Variants in PPIL2 observed in about 807,000 individuals in gnomAD.
PPIL2 encodes RING-type E3 ubiquitin-protein ligase PPIL2.
Under a neutral mutation model 75.2 loss-of-function variants are expected in PPIL2, and 50 were observed. That is an observed-to-expected ratio of 0.66 (90% CI 0.53 to 0.84). The LOEUF (loss-of-function observed/expected upper bound fraction) is 0.84. Among genes scored for constraint, PPIL2 ranks in the 40% least tolerant of loss-of-function variants. PPIL2 has a pLI of 0.00. For synonymous variants in PPIL2, 245 were observed against 258.8 expected, an observed-to-expected ratio of 0.95 and a Z score of 0.51; for missense variants, 590 against 685.0, an observed-to-expected ratio of 0.86 and a Z score of 1.55.
chr22:21,682,129 A>T (rs1164336832), intron 7 of PPIL2, among the ~76,000 whole-genome samples: 3 of 152,140 alleles, frequency 2.0e-5, no homozygotes, highest in Non-Finnish European at 4.4e-5. Flanking sequence ...GCATGGGAGG[A>T]GCTTGGCAAA....
intron 5 of PPIL2, among the ~76,000 whole-genome samples, chr22:21,674,445 A>G (rs1669122): frequency 0.64 from 97,263 of 152,112 alleles, 31,663 homozygotes; most frequent in African/African-American, 0.75. Context: ...TTAGCATTGG[A>G]GTGTATTTCT....
intron 15 of PPIL2, among the ~76,000 whole-genome samples, chr22:21,689,664 A>G (rs1439753620): frequency 6.6e-6 from 1 of 152,246 alleles, no homozygotes; most frequent in East Asian, 1.9e-4. Context: ...CCTGGTGTGC[A>G]CATCAGTCAC....
intron 10 of PPIL2, among the ~76,000 whole-genome samples, chr22:21,686,187 A>G (rs1261010811): frequency 6.6e-6 from 1 of 152,148 alleles, no homozygotes; most frequent in African/African-American, 2.4e-5. Context: ...ATAAAAATAA[A>G]TGAGAAGTCA....
chr22:21,685,577 C>A, intron 10 of PPIL2: 1 of 411,630 alleles, frequency 2.4e-6, no homozygotes, highest in Non-Finnish European at 4.7e-6. Context: ...GTGTGTCACT[C>A]CGTCTAACAC....
At chr22:21,669,625 G>T (rs201642349) in intron 1 of PPIL2, among the ~76,000 whole-genome samples, 1 of 152,194 alleles carries the variant, frequency 6.6e-6, no homozygotes, top group Admixed American at 6.5e-5. Context: ...TCAGCCTCCC[G>T]AGTAGCTGGG....
rs556440849 is a variant in PPIL2 at position 21,686,795 on chromosome 22, C to A, written c.791-97C>A. ...TCCCCTGCTCTCCCCAGAGCTGGAG[C>A]CTAGTCCCCGCCTGTGTGTCTGAGG... On this transcript the variant is annotated intron_variant, in intron 11 of 19. Transcript: ENST00000398831. 122 of 1,257,124 alleles carry A rather than the reference C, an allele frequency of 9.7e-5. No homozygotes were observed. In the African/African-American group the frequency reaches 1.7e-3, roughly 17 times the overall value. The allele number at this position is 1,257,124 out of a possible 1,614,324, so 77.9% of individuals were successfully genotyped here.
chr22:21,688,787 G>A lies in PPIL2; in HGVS notation c.1077G>A (p.Ser359=), dbSNP rs376197038. The change falls in exon 15 of 20, where the codon TCG becomes TCA. Residue 359 remains serine, a synonymous_variant. Transcript: ENST00000398831. ...PFKDEFRPNL[S]HTGRGILSMA... is the part of the protein sequence containing the mutation. Reference sequence around the variant, plus strand: ...AAGACGAGTTCCGGCCCAACCTCTCGCACACGGGCCGCGGCATCCTCAGCA... The same window carrying A: ...AAGACGAGTTCCGGCCCAACCTCTCACACACGGGCCGCGGCATCCTCAGCA... 2.0e-5 allele frequency: 33 copies of A among 1,614,078 alleles called. No homozygotes were observed. The highest frequency in any genetic ancestry group is 1.7e-4 in the African/African-American group (13 of 74,938).
chr22:21,681,155 C>G, intron 6 of PPIL2, 144 bp from the exon 7 acceptor site: 1 of 669,810 alleles, frequency 1.5e-6, no homozygotes, highest in South Asian at 1.7e-5. Context: ...CCCATGGTTC[C>G]CTGCTCTGGC....
chr22:21,682,510 A>G lies in PPIL2; in HGVS notation c.461A>G (p.Asp154Gly), dbSNP rs770856831. The change falls in exon 8 of 20, where the codon GAC becomes GGC. Residue 154 changes from aspartate to glycine, a missense_variant. Physicochemically the swap from Asp to Gly is moderately conservative, Grantham distance 94. Transcript: ENST00000398831. ...LLTDEPFSRQDIITLQDPTNL... is the reference protein window; with the variant it reads ...LLTDEPFSRQGIITLQDPTNL... ...ACCGACGAGCCCTTCTCCCGGCAGG[A>G]CATCATCACCCTCCAGGTGAGTGTC... The G allele has an allele frequency of 1.2e-5, 19 of 1,596,260 alleles. No homozygotes were observed. Among genetic ancestry groups the G allele is most frequent in the South Asian group, 4.4e-5 (4 of 89,914 alleles).
chr22:21,697,094 C>A lies in PPIL2; in HGVS notation c.*1604C>A. 2 of 1,192,218 alleles carry A rather than the reference C, an allele frequency of 1.7e-6. No individual in the cohort carries two copies. Among genetic ancestry groups the A allele is most frequent in the Non-Finnish European group, 2.3e-6 (2 of 856,464 alleles). The allele number at this position is 1,192,218 out of a possible 1,614,324, so 73.9% of individuals were successfully genotyped here. A position where few individuals can be genotyped will look rare whatever the true frequency, so the allele number is the denominator to read the frequency against. On this transcript the variant is annotated 3_prime_UTR_variant, in exon 20 of 20. Transcript: ENST00000398831. ...GACTTTTGACGCCCTCCATCCCTCC[C>A]GCCAGGCACTGTCCTCCGCAAGGCC...
At position 21,684,680 on chromosome 22, in the gene PPIL2, T is replaced by G. The variant is rs2067279865; in HGVS notation, c.554-73T>G. ...CTGGACGGCCCTGGGCTATTCTAGA[T>G]CTGTGTCCCCAGCACGTGTGTGGGG... On this transcript the variant is annotated intron_variant, in intron 9 of 19. Coordinates refer to ENST00000398831, the MANE Select transcript of PPIL2 (RefSeq NM_014337.4). 28 of 1,563,480 alleles carry G rather than the reference T, an allele frequency of 1.8e-5. No homozygotes were observed. In the South Asian group the frequency reaches 3.3e-4, roughly 18 times the overall value.
At chr22:21,675,160 C>T (rs747518786) in intron 6 of PPIL2, 45 bp downstream of exon 6, 2 of 1,511,702 alleles carry the variant, frequency 1.3e-6, no homozygotes, top group Non-Finnish European at 1.8e-6. Context: ...ACCTGCAGAC[C>T]CAAGGGCCCA....
chr22:21,688,320 AGT>A (rs992212678), intron 14 of PPIL2, among the ~76,000 whole-genome samples: 8 of 152,124 alleles, frequency 5.3e-5, no homozygotes, highest in African/African-American at 1.9e-4. Flanking sequence ...AGGAGGCAAG[AGT>A]GTGTGGTCTC....
In PPIL2 at chr22:21,697,505, C is replaced by G; in HGVS notation, c.*2015C>G. ...AGAGCCTGGGCTCAGCCTTCTGCAT[C>G]AGGACATGGCCTCGTCCACTGAGGG... On this transcript the variant is annotated 3_prime_UTR_variant, in exon 20 of 20. Transcript: ENST00000398831. 1 of 159,826 alleles carries G rather than the reference C, an allele frequency of 6.3e-6. No individual in the cohort carries two copies. Among genetic ancestry groups the G allele is most frequent in the Admixed American group, 5.9e-5 (1 of 16,866 alleles). The allele number at this position is 159,826 out of a possible 1,614,324, so 9.9% of individuals were successfully genotyped here. A position where few individuals can be genotyped will look rare whatever the true frequency, so the allele number is the denominator to read the frequency against.
intron 15 of PPIL2, among the ~76,000 whole-genome samples, chr22:21,692,177 A>C (rs527390646): frequency 1.4e-5 from 2 of 146,122 alleles, no homozygotes; most frequent in East Asian, 4.0e-4. Flanking sequence ...TTTCTTTGAG[A>C]CGGAGTCTCG....
chr22:21,695,560 C>T lies in PPIL2; in HGVS notation c.*70C>T, dbSNP rs539355703. ...GGGCCCATGTCCACATCTCCATTTCCAGCCTTTCTAGCCTGCCCTCTGCTG... is the reference window on the plus strand; with the variant it reads ...GGGCCCATGTCCACATCTCCATTTCTAGCCTTTCTAGCCTGCCCTCTGCTG... On this transcript the variant is annotated 3_prime_UTR_variant, in exon 20 of 20. Coordinates refer to ENST00000398831, the MANE Select transcript of PPIL2 (RefSeq NM_014337.4). The T allele has an allele frequency of 9.0e-6, 14 of 1,547,974 alleles. No homozygotes were observed. The highest frequency in any genetic ancestry group is 7.3e-5 in the East Asian group (3 of 41,124).
chr22:21,682,200 A>G (rs1351648028), intron 7 of PPIL2, among the ~76,000 whole-genome samples: 1 of 152,144 alleles, frequency 6.6e-6, no homozygotes, highest in Non-Finnish European at 1.5e-5. Flanking sequence ...TGCAGACAAG[A>G]GCTTCCTGCA....
intron 6 of PPIL2, among the ~76,000 whole-genome samples, chr22:21,679,923 TA>T (rs535944893): frequency 6.6e-6 from 1 of 151,026 alleles, no homozygotes; most frequent in Non-Finnish European, 1.5e-5. Flanking sequence ...CCGTCTCTAC[TA>T]AAAAAATACA....
intron 15 of PPIL2, among the ~76,000 whole-genome samples, chr22:21,692,050 C>A (rs1452704351): frequency 1.4e-5 from 2 of 138,380 alleles, no homozygotes; most frequent in Non-Finnish European, 3.3e-5. Flanking sequence ...GGGACCCACC[C>A]CATGTCTTCC....
Sources: allele counts gnomAD v4.1 joint callset (sites outside exome capture counted in the v4.1 genomes callset), GRCh38; gene constraint gnomAD v4.1.1; transcripts MANE v1.5; gene names NCBI Gene and HGNC (gene_info 2026-07-23, HGNC 2026-07-21).